PRKCE: variants seen among roughly 807,000 people sequenced by gnomAD.
PRKCE encodes protein kinase C epsilon type.
A neutral mutation model predicts 85.4 loss-of-function variants in PRKCE; 16 were observed. The ratio of observed to expected loss-of-function variants is 0.19; its 90% CI spans 0.13 to 0.28. The LOEUF is 0.28. Among genes scored for constraint, PRKCE ranks in the 10% least tolerant of loss-of-function variants. The pLI, the probability that PRKCE is intolerant of heterozygous loss-of-function variation, is 1.00. For synonymous variants in PRKCE, 388 were observed against 371.5 expected (o/e 1.04, Z -0.51); for missense variants, 573 against 975.2 (o/e 0.59, Z 5.49).
At chr2:45,771,391 C>G (rs1050532973) in intron 1 of PRKCE, among the ~76,000 whole-genome samples, 10 of 152,150 alleles carry the variant, frequency 6.6e-5, no homozygotes, top group African/African-American at 2.4e-4. Flanking sequence ...CAGCTAATGA[C>G]AGGTTCCTTC....
At chr2:46,007,245 C>A (rs927796235) in intron 8 of PRKCE, among the ~76,000 whole-genome samples, 1 of 152,198 alleles carries the variant, frequency 6.6e-6, no homozygotes, top group Non-Finnish European at 1.5e-5. Flanking sequence ...ACTGTGTCCT[C>A]CTCCTCTTTG....
chr2:45,769,536 G>A (rs59554683), intron 1 of PRKCE, among the ~76,000 whole-genome samples: 52 of 152,212 alleles, frequency 3.4e-4, no homozygotes, highest in African/African-American at 1.2e-3. Flanking sequence ...CTTGGGCCCC[G>A]GAAACTGAAG....
intron 1 of PRKCE, among the ~76,000 whole-genome samples, chr2:45,693,436 TG>T (rs1373741712): frequency 5.3e-5 from 8 of 151,948 alleles, no homozygotes; most frequent in Non-Finnish European, 1.0e-4. Flanking sequence ...TGAGGTGACC[TG>T]GAGAGAAAGT....
At chr2:46,073,106 C>G (rs1413947830) in intron 10 of PRKCE, among the ~76,000 whole-genome samples, 1 of 152,234 alleles carries the variant, frequency 6.6e-6, no homozygotes, top group Non-Finnish European at 1.5e-5. Context: ...CGTCCACCAG[C>G]TCATCTGGTC....
Position 46,184,572 on chromosome 2 carries a change from G to A in PRKCE, c.2068-163G>A, listed in dbSNP as rs1396954946. ...TCGTCTCTCACCTCCGGGTCCTGGG[G>A]CCATCCATCGTTACCTCATCGGGAC... is the stretch of plus-strand genomic sequence containing the variant. On this transcript the variant is annotated intron_variant, in intron 14 of 14. Transcript: ENST00000306156. This position sits in a 1 kb window ranked among gnomAD's most constrained non-coding sequence, Gnocchi z 5.0. Among the ~76,000 whole-genome samples, 1 of 152,072 alleles carries A rather than the reference G, an allele frequency of 6.6e-6. No homozygotes were observed. Among genetic ancestry groups the A allele is most frequent in the East Asian group, 1.9e-4 (1 of 5,176 alleles).
At chr2:45,962,867 T>C (rs1225676556) in intron 2 of PRKCE, among the ~76,000 whole-genome samples, 10 of 152,210 alleles carry the variant, frequency 6.6e-5, no homozygotes, top group Non-Finnish European at 1.3e-4. Context: ...CTTTCAGTTA[T>C]TAAAAGCATT....
At chr2:46,144,603 C>A (rs1675885866) in intron 11 of PRKCE, among the ~76,000 whole-genome samples, 1 of 152,212 alleles carries the variant, frequency 6.6e-6, no homozygotes, top group Admixed American at 6.5e-5. Flanking sequence ...TGTTTGTGGT[C>A]TCCCGCTCTG....
intron 2 of PRKCE, among the ~76,000 whole-genome samples, chr2:45,957,875 G>A (rs567580209): frequency 2.5e-4 from 38 of 151,626 alleles, no homozygotes; most frequent in African/African-American, 9.0e-4. Context: ...TTATGCCACT[G>A]CACTAGATCC....
intron 2 of PRKCE, among the ~76,000 whole-genome samples, chr2:45,883,134 A>C (rs573939350): frequency 6.6e-6 from 1 of 152,366 alleles, no homozygotes; most frequent in East Asian, 1.9e-4. Context: ...TCATTCCTGC[A>C]GCCAGCCATT....
At chr2:46,062,726 T>G (rs1292479440) in intron 10 of PRKCE, among the ~76,000 whole-genome samples, 1 of 127,808 alleles carries the variant, frequency 7.8e-6, no homozygotes, top group African/African-American at 3.1e-5. Context: ...CAGGCTGGAG[T>G]GCAGTGGCAC....
chr2:45,959,784 G>A (rs1236918256), intron 2 of PRKCE, among the ~76,000 whole-genome samples: 2 of 152,140 alleles, frequency 1.3e-5, no homozygotes, highest in Admixed American at 6.5e-5. Context: ...AAACAGCCAG[G>A]GTCCACACAA....
intron 10 of PRKCE, chr2:46,010,872 G>C: frequency 6.6e-7 from 1 of 1,505,512 alleles, no homozygotes; most frequent in Non-Finnish European, 8.8e-7. Context: ...TAACTTCTAA[G>C]TTATTTTCAT....
At chr2:45,683,473 AC>A (rs1677060902) in intron 1 of PRKCE, among the ~76,000 whole-genome samples, 1 of 152,166 alleles carries the variant, frequency 6.6e-6, no homozygotes. Context: ...GAAAAGTAAT[AC>A]CCCGAGGAGT....
chr2:45,879,141 C>T (rs1284908558), intron 2 of PRKCE, among the ~76,000 whole-genome samples: 11 of 152,188 alleles, frequency 7.2e-5, no homozygotes, highest in South Asian at 6.2e-4. Flanking sequence ...ATAAAAACCC[C>T]AAGCTCCACT....
chr2:45,727,360 G>A (rs555621399), intron 1 of PRKCE, among the ~76,000 whole-genome samples: 1 of 152,218 alleles, frequency 6.6e-6, no homozygotes, highest in African/African-American at 2.4e-5. Context: ...GGAATGTTGT[G>A]TATGTCCAAC....
chr2:45,825,835 C>T (rs556489464), intron 1 of PRKCE, among the ~76,000 whole-genome samples: 2 of 152,118 alleles, frequency 1.3e-5, no homozygotes, highest in South Asian at 4.2e-4. Context: ...CTGCAGTGAG[C>T]TATGATCATA....
At chr2:46,054,768 T>C (rs1215226033) in intron 10 of PRKCE, among the ~76,000 whole-genome samples, 1 of 152,164 alleles carries the variant, frequency 6.6e-6, no homozygotes, top group East Asian at 1.9e-4. Flanking sequence ...CAATGTTGCC[T>C]TTTCCAAAAC....
At chr2:45,661,678 G>A (rs1382055569) in intron 1 of PRKCE, among the ~76,000 whole-genome samples, 4 of 146,712 alleles carry the variant, frequency 2.7e-5, no homozygotes, top group South Asian at 2.1e-4. Flanking sequence ...ACAGGTGCCC[G>A]CCACCACGCC....
At chr2:45,984,719 C>A in intron 6 of PRKCE, 39 bp downstream of exon 6, 1 of 1,574,424 alleles carries the variant, frequency 6.4e-7, no homozygotes. Context: ...CCCTGCATGT[C>A]CCCTTCCTTG....
Sources: gnomAD v4.1 joint callset for allele counts (sites outside exome capture counted in the v4.1 genomes callset) on GRCh38, gnomAD v4.1.1 for gene constraint, Gnocchi (gnomAD v3.1) non-coding constraint, MANE v1.5 for transcripts, NCBI Gene and HGNC (gene_info 2026-07-23, HGNC 2026-07-21) for gene names.